The following KIAA1549 variants were observed in gnomAD, a reference collection of about 807,000 sequenced individuals.
The protein encoded by KIAA1549 is UPF0606 protein KIAA1549.
In KIAA1549, 70 loss-of-function variants were observed where a neutral mutation model predicts 156.4. The ratio of observed to expected loss-of-function variants is 0.45; its 90% CI spans 0.37 to 0.55. The LOEUF is 0.55. Ranked by LOEUF, KIAA1549 falls within the 20% of genes least tolerant of loss-of-function variation. The pLI is 0.00. For missense variants in KIAA1549, 2,428 were observed against 2,540.9 expected, an observed-to-expected ratio of 0.96 and a Z score of 0.96; for synonymous variants, 1,103 against 1,066.4, an observed-to-expected ratio of 1.03 and a Z score of -0.67.
At chr7:138,972,104 C>T (rs778875291) in intron 1 of KIAA1549, among the ~76,000 whole-genome samples, 5 of 152,220 alleles carry the variant, frequency 3.3e-5, no homozygotes, top group East Asian at 1.9e-4. Flanking sequence ...ACATTCAAGA[C>T]GGACTTCCTC....
At chr7:138,923,546 G>A (rs925323961) in intron 1 of KIAA1549, among the ~76,000 whole-genome samples, 2 of 152,050 alleles carry the variant, frequency 1.3e-5, no homozygotes, top group African/African-American at 4.8e-5. Flanking sequence ...AATGCAGTGA[G>A]CTGAGATCAT....
intron 1 of KIAA1549, among the ~76,000 whole-genome samples, chr7:138,927,099 T>C (rs1812740524): frequency 1.3e-5 from 2 of 152,232 alleles, no homozygotes; most frequent in African/African-American, 4.8e-5. Context: ...CTGCAACTTA[T>C]TTCTCTCCGT....
At chr7:138,960,310 T>G (rs147866863) in intron 1 of KIAA1549, among the ~76,000 whole-genome samples, 88 of 151,722 alleles carry the variant, frequency 5.8e-4, no homozygotes, top group Admixed American at 1.0e-3. Context: ...TTGATTTATT[T>G]ATTTATTTAT....
At chr7:138,944,423 A>G (rs2130529369) in intron 1 of KIAA1549, among the ~76,000 whole-genome samples, 1 of 152,114 alleles carries the variant, frequency 6.6e-6, no homozygotes, top group South Asian at 2.1e-4. Flanking sequence ...GTGAAAATAT[A>G]GAGAAATTGG....
intron 15 of KIAA1549, among the ~76,000 whole-genome samples, chr7:138,864,068 T>C (rs548879377): frequency 2.0e-5 from 3 of 152,022 alleles, no homozygotes; most frequent in African/African-American, 7.2e-5. Flanking sequence ...GAAGGGAGGG[T>C]GTGTCTGGAA....
At chr7:138,958,094 G>A (rs182840752) in intron 1 of KIAA1549, among the ~76,000 whole-genome samples, 4 of 152,250 alleles carry the variant, frequency 2.6e-5, no homozygotes, top group East Asian at 1.9e-4. Context: ...GTCTTTGCAC[G>A]ACTGTTATCC....
chr7:138,972,728 G>A (rs1290663330), intron 1 of KIAA1549, among the ~76,000 whole-genome samples: 1 of 152,046 alleles, frequency 6.6e-6, no homozygotes, highest in Non-Finnish European at 1.5e-5. Flanking sequence ...TCTTAGGGTG[G>A]TCCTGCCTGC....
At chr7:138,913,368 C>A (rs1281244692) in intron 2 of KIAA1549, among the ~76,000 whole-genome samples, 1 of 152,142 alleles carries the variant, frequency 6.6e-6, no homozygotes, top group Non-Finnish European at 1.5e-5. Flanking sequence ...TTTCTCATAA[C>A]CAAAGCCTAG....
At chr7:138,905,743 C>G (rs78879507) in intron 6 of KIAA1549, among the ~76,000 whole-genome samples, 2,041 of 152,080 alleles carry the variant, frequency 0.013, 59 homozygotes, top group African/African-American at 0.047. Context: ...CCCTTTCCCC[C>G]ACTGCCTCCA....
intron 2 of KIAA1549, among the ~76,000 whole-genome samples, chr7:138,913,269 GCAAA>G (rs1812220828): frequency 6.6e-6 from 1 of 152,138 alleles, no homozygotes; most frequent in Non-Finnish European, 1.5e-5. Context: ...ATGTTTCAAG[GCAAA>G]GGTGAAGAGT....
chr7:138,852,722 A>G (rs1422134269), intron 16 of KIAA1549, among the ~76,000 whole-genome samples: 1 of 152,248 alleles, frequency 6.6e-6, no homozygotes, highest in African/African-American at 2.4e-5. Context: ...CCCAGTACCT[A>G]TTCAAATACC....
At chr7:138,972,364 G>A (rs1051576063) in intron 1 of KIAA1549, among the ~76,000 whole-genome samples, 3 of 63,494 alleles carry the variant, frequency 4.7e-5, no homozygotes, top group South Asian at 1.4e-3. Context: ...AATCCCTCCC[G>A]CCCTCCCCCA....
intron 1 of KIAA1549, among the ~76,000 whole-genome samples, chr7:138,925,517 A>G (rs1812686758): frequency 6.6e-6 from 1 of 152,162 alleles, no homozygotes; most frequent in Non-Finnish European, 1.5e-5. Flanking sequence ...AAGGAAATTT[A>G]GTTAAAAAAC....
intron 1 of KIAA1549, among the ~76,000 whole-genome samples, chr7:138,963,842 C>T (rs771378897): frequency 1.3e-5 from 2 of 152,092 alleles, no homozygotes; most frequent in Non-Finnish European, 2.9e-5. Flanking sequence ...AACAGAAAAA[C>T]AGCATAGTCA....
At chr7:138,962,316 T>C (rs1813878717) in intron 1 of KIAA1549, among the ~76,000 whole-genome samples, 1 of 152,228 alleles carries the variant, frequency 6.6e-6, no homozygotes, top group African/African-American at 2.4e-5. Context: ...TTCAACCATT[T>C]TGTGCTTATG....
intron 1 of KIAA1549, among the ~76,000 whole-genome samples, chr7:138,946,686 G>A (rs1449925883): frequency 6.6e-6 from 1 of 152,066 alleles, no homozygotes; most frequent in Non-Finnish European, 1.5e-5. Context: ...AGCTGAGGTG[G>A]GAGGATCACT....
At chr7:138,886,605 G>A (rs1383387407) in intron 10 of KIAA1549, among the ~76,000 whole-genome samples, 1 of 151,926 alleles carries the variant, frequency 6.6e-6, no homozygotes, top group African/African-American at 2.4e-5. Flanking sequence ...TGAAATTCTC[G>A]GATCAATGGG....
intron 1 of KIAA1549, among the ~76,000 whole-genome samples, chr7:138,950,017 G>A (rs1429647797): frequency 6.6e-6 from 1 of 152,200 alleles, no homozygotes; most frequent in Non-Finnish European, 1.5e-5. Context: ...CCAGCACCAT[G>A]AGCTAACACT....
intron 1 of KIAA1549, among the ~76,000 whole-genome samples, chr7:138,958,523 G>A (rs1319728828): frequency 6.6e-6 from 1 of 152,162 alleles, no homozygotes; most frequent in Non-Finnish European, 1.5e-5. Context: ...ACATATATAT[G>A]AATATTTATA....
Sources: allele counts gnomAD v4.1 joint callset (sites outside exome capture counted in the v4.1 genomes callset), GRCh38; gene constraint gnomAD v4.1.1; transcripts MANE v1.5; gene names NCBI Gene and HGNC (gene_info 2026-07-23, HGNC 2026-07-21).